The following DDX46 variants were observed in gnomAD, a reference collection of about 807,000 sequenced individuals.
DDX46 encodes DEAD-box helicase 46.
Under a neutral mutation model 134.9 loss-of-function variants are expected in DDX46, and 30 were observed. The observed-to-expected ratio is 0.22, with a 90% CI of 0.17 to 0.30. The LOEUF (loss-of-function observed/expected upper bound fraction) is 0.30, where lower values mean the gene tolerates loss of function less well. DDX46 is among the 10% of genes least tolerant of loss of function. DDX46 has a pLI of 1.00. For missense variants in DDX46, 622 were observed against 1,248.7 expected, an observed-to-expected ratio of 0.50 and a Z score of 7.56; for synonymous variants, 415 against 404.1, an observed-to-expected ratio of 1.03 and a Z score of -0.32.
intron 1 of DDX46, among the ~76,000 whole-genome samples, chr5:134,759,259 G>A (rs556399290): frequency 3.7e-4 from 56 of 152,350 alleles, no homozygotes; most frequent in African/African-American, 1.2e-3. Flanking sequence ...GATTACTTCA[G>A]TCAGAAGTGA....
At chr5:134,793,044 C>T (rs1202205474) in intron 13 of DDX46, among the ~76,000 whole-genome samples, 9 of 151,982 alleles carry the variant, frequency 5.9e-5, no homozygotes, top group Non-Finnish European at 7.3e-5. Context: ...ATCGTCCCAG[C>T]TACTCAGGAG....
At chr5:134,821,592 G>T (rs1463522875) in intron 21 of DDX46, among the ~76,000 whole-genome samples, 1 of 150,834 alleles carries the variant, frequency 6.6e-6, no homozygotes, top group Non-Finnish European at 1.5e-5. Flanking sequence ...GAATGCAGCG[G>T]CGCAATTTCG....
At chr5:134,821,124 G>T (rs1180980088) in intron 21 of DDX46, among the ~76,000 whole-genome samples, 1 of 149,270 alleles carries the variant, frequency 6.7e-6, no homozygotes, top group Non-Finnish European at 1.5e-5. Flanking sequence ...TGCCAGCTCC[G>T]CCTCCCGGGT....
intron 6 of DDX46, among the ~76,000 whole-genome samples, chr5:134,778,564 A>G (rs1204673290): frequency 6.6e-6 from 1 of 151,860 alleles, no homozygotes; most frequent in East Asian, 1.9e-4. Flanking sequence ...ATTTTGTTTC[A>G]TTTTATTTAT....
chr5:134,760,865 A>T (rs1397746734), intron 1 of DDX46, among the ~76,000 whole-genome samples: 1 of 150,126 alleles, frequency 6.7e-6, no homozygotes, highest in East Asian at 2.0e-4. Context: ...GAGTAGCTGG[A>T]ACTACAGGCG....
chr5:134,819,072 A>G (rs541234617), intron 21 of DDX46, 68 bp downstream of exon 21: 51 of 1,553,932 alleles, frequency 3.3e-5, no homozygotes, highest in East Asian at 2.3e-5. Flanking sequence ...AATAAACGCA[A>G]AGAGCATGTG....
intron 15 of DDX46, among the ~76,000 whole-genome samples, chr5:134,806,458 A>G (rs575378833): frequency 6.6e-6 from 1 of 152,308 alleles, no homozygotes; most frequent in Admixed American, 6.5e-5. Flanking sequence ...TAAGGAATCA[A>G]TTTTATGTGA....
chr5:134,819,792 C>CTTT (rs1755391755), intron 21 of DDX46, among the ~76,000 whole-genome samples: 1 of 152,106 alleles, frequency 6.6e-6, no homozygotes, highest in African/African-American at 2.4e-5. Context: ...CACTCAGCCT[C>CTTT]CCAAAGTGCT....
intron 22 of DDX46, among the ~76,000 whole-genome samples, chr5:134,827,937 T>C (rs1289998938): frequency 6.6e-6 from 1 of 152,224 alleles, no homozygotes; most frequent in Admixed American, 6.5e-5. Flanking sequence ...CTAAATAGTT[T>C]TCCAAAGAGG....
Position 134,781,256 on chromosome 5 carries a change from C to G in DDX46, c.879+10C>G, listed in dbSNP as rs191879368. 3.9e-4 allele frequency: 624 copies of G among 1,592,820 alleles called. 3 individuals are homozygous for G. In the African/African-American group the frequency reaches 8.0e-3, roughly 20 times the overall value. ...CCAGGATGCCATGGAGGTGATTTTT[C>G]TTAATTTTGACTTTGTTTATGATAC... On this transcript the variant is annotated intron_variant, in intron 7 of 22. Coordinates refer to ENST00000452510, the MANE Select transcript of DDX46 (RefSeq NM_001300860.2).
At chr5:134,793,191 A>G (rs1274286147) in intron 13 of DDX46, among the ~76,000 whole-genome samples, 1 of 152,018 alleles carries the variant, frequency 6.6e-6, no homozygotes, top group Non-Finnish European at 1.5e-5. Flanking sequence ...TTAGTTTGTG[A>G]TTATTTTGTG....
At position 134,758,779 on chromosome 5, in the gene DDX46, C is replaced by A; in HGVS notation, c.-160C>A. ...CTTCGGCTGCCGGCGCCAGCACGTC[C>A]TGTTTTCGTTGGCCGCGCTGGGATG... On this transcript the variant is annotated 5_prime_UTR_variant, in exon 1 of 23. In the 5' UTR this introduces an upstream ATG that the reference lacks. Coordinates refer to ENST00000452510, the MANE Select transcript of DDX46 (RefSeq NM_001300860.2). 1 of 1,108,242 alleles carries A rather than the reference C, an allele frequency of 9.0e-7. No individual in the cohort carries two copies. The highest frequency in any genetic ancestry group is 1.3e-6 in the Non-Finnish European group (1 of 757,320). 68.7% of individuals were successfully genotyped at this position (1,108,242 alleles called of 1,614,324 possible).
chr5:134,811,118 G>A (rs1755129858), intron 16 of DDX46, 103 bp from the exon 17 acceptor site: 1 of 1,015,876 alleles, frequency 9.8e-7, no homozygotes, highest in African/African-American at 1.6e-5. Context: ...AGTTAATGTT[G>A]TCAATCTCGA....
intron 5 of DDX46, among the ~76,000 whole-genome samples, chr5:134,775,617 T>G (rs1450138845): frequency 1.3e-5 from 2 of 152,138 alleles, no homozygotes; most frequent in Non-Finnish European, 2.9e-5. Flanking sequence ...TTCACCACAC[T>G]GGCCAGGTTG....
chr5:134,822,697 C>T (rs549354295), intron 21 of DDX46, among the ~76,000 whole-genome samples: 1 of 152,114 alleles, frequency 6.6e-6, no homozygotes, highest in African/African-American at 2.4e-5. Flanking sequence ...CACCTCAGCC[C>T]CCCATTTAGC....
rs1373705101 is a variant in DDX46 at position 134,829,397 on chromosome 5, C to T, written c.*691C>T. The T allele has an allele frequency of 6.6e-6, 1 of 152,130 alleles. No individual in the cohort carries two copies. Among genetic ancestry groups the T allele is most frequent in the African/African-American group, 2.4e-5 (1 of 41,436 alleles). The allele number at this position is 152,130 out of a possible 1,614,324, so 9.4% of individuals were successfully genotyped here. On this transcript the variant is annotated 3_prime_UTR_variant, in exon 23 of 23. Transcript: ENST00000452510. ...TCCCTCACAACTTCTGGCTCCATACCTAGCCCCTCTTTTATAATCTTCCTT... is the reference window on the plus strand; with the variant it reads ...TCCCTCACAACTTCTGGCTCCATACTTAGCCCCTCTTTTATAATCTTCCTT...
chr5:134,816,195 TTC>T (rs911646308), intron 18 of DDX46, among the ~76,000 whole-genome samples: 1 of 152,212 alleles, frequency 6.6e-6, no homozygotes, highest in Non-Finnish European at 1.5e-5. Flanking sequence ...GCAATGTTGT[TTC>T]TCTGTTTTCT....
intron 3 of DDX46, among the ~76,000 whole-genome samples, chr5:134,769,324 A>G (rs1465751527): frequency 6.9e-6 from 1 of 144,692 alleles, no homozygotes; most frequent in Non-Finnish European, 1.5e-5. Context: ...TTATATTTTC[A>G]AGGTTTTTTT....
chr5:134,764,976 G>A (rs890487335), intron 2 of DDX46, among the ~76,000 whole-genome samples: 7 of 151,586 alleles, frequency 4.6e-5, no homozygotes, highest in Non-Finnish European at 1.0e-4. Context: ...GGCAGAAAAA[G>A]GAAACAAAGC....
Sources: allele counts gnomAD v4.1 joint callset (sites outside exome capture counted in the v4.1 genomes callset), GRCh38; gene constraint gnomAD v4.1.1; transcripts MANE v1.5; gene names NCBI Gene and HGNC (gene_info 2026-07-23, HGNC 2026-07-21).